CRACD: variants seen among roughly 807,000 people sequenced by gnomAD.
The protein encoded by CRACD is capping protein-inhibiting regulator of actin dynamics.
Under a neutral mutation model 106.8 loss-of-function variants are expected in CRACD, and 56 were observed. The observed-to-expected ratio is 0.52, with a 90% CI of 0.42 to 0.66. CRACD has a LOEUF of 0.66. CRACD is among the 30% of genes least tolerant of loss of function. The pLI, the probability that CRACD is intolerant of heterozygous loss-of-function variation, is 0.00. For missense variants in CRACD, 1,730 were observed against 1,623.2 expected (o/e 1.07, Z -1.13); for synonymous variants, 754 against 670.8 (o/e 1.12, Z -1.92).
intron 1 of CRACD, among the ~76,000 whole-genome samples, chr4:56,083,290 A>G (rs1294986577): frequency 6.6e-6 from 1 of 152,242 alleles, no homozygotes; most frequent in African/African-American, 2.4e-5. Context: ...TTTACAATTT[A>G]TTAGCTAAGC....
chr4:56,124,186 C>T (rs754203247), intron 1 of CRACD, among the ~76,000 whole-genome samples: 1 of 152,208 alleles, frequency 6.6e-6, no homozygotes, highest in Non-Finnish European at 1.5e-5. Flanking sequence ...AATCCACCTG[C>T]CTCAGCCTCC....
At chr4:56,188,713 G>C (rs12649135) in intron 2 of CRACD, among the ~76,000 whole-genome samples, 36,836 of 94,052 alleles carry the variant, frequency 0.39, 5,386 homozygotes, top group East Asian at 0.65. Flanking sequence ...CACACACACA[G>C]AGAGAGAGAG....
At chr4:56,200,727 A>G (rs1463164565) in intron 2 of CRACD, among the ~76,000 whole-genome samples, 1 of 152,224 alleles carries the variant, frequency 6.6e-6, no homozygotes, top group Admixed American at 6.5e-5. Flanking sequence ...TTAGGCTCAC[A>G]GCAAAATTAA....
intron 1 of CRACD, among the ~76,000 whole-genome samples, chr4:56,139,672 C>T (rs1735126400): frequency 6.6e-6 from 1 of 152,084 alleles, no homozygotes; most frequent in South Asian, 2.1e-4. Context: ...AGAAATGCTT[C>T]CATATGCTGA....
chr4:56,207,468 G>A (rs1460564691), intron 2 of CRACD, among the ~76,000 whole-genome samples: 1 of 152,070 alleles, frequency 6.6e-6, no homozygotes, highest in African/African-American at 2.4e-5. Flanking sequence ...TAAGGGGAGT[G>A]GACCAGTATT....
intron 3 of CRACD, among the ~76,000 whole-genome samples, chr4:56,296,772 CCT>C (rs1744066077): frequency 6.6e-6 from 1 of 152,166 alleles, no homozygotes; most frequent in African/African-American, 2.4e-5. Flanking sequence ...TCTTCCTGCC[CCT>C]GTGAGGAGCT....
intron 2 of CRACD, among the ~76,000 whole-genome samples, chr4:56,184,363 G>A (rs574469235): frequency 1.3e-4 from 20 of 152,222 alleles, no homozygotes; most frequent in Non-Finnish European, 2.6e-4. Flanking sequence ...GAGCCACCAC[G>A]CCTGGCCAAC....
intron 3 of CRACD, among the ~76,000 whole-genome samples, chr4:56,290,658 G>A (rs913461619): frequency 2.0e-5 from 3 of 152,186 alleles, no homozygotes; most frequent in African/African-American, 7.2e-5. Context: ...CAACCTGTCT[G>A]TCAATAAAAA....
intron 2 of CRACD, among the ~76,000 whole-genome samples, chr4:56,234,921 AT>A (rs1207758169): frequency 6.6e-6 from 1 of 152,126 alleles, no homozygotes; most frequent in African/African-American, 2.4e-5. Context: ...AAGGGAACTG[AT>A]TTTCTGCTAA....
intron 2 of CRACD, among the ~76,000 whole-genome samples, chr4:56,244,225 TAA>T (rs1239036314): frequency 2.6e-5 from 4 of 152,088 alleles, no homozygotes. Context: ...GGAGTTTCCC[TAA>T]AACCAGGGTT....
At chr4:56,161,660 A>G (rs1261722493) in intron 1 of CRACD, among the ~76,000 whole-genome samples, 1 of 151,872 alleles carries the variant, frequency 6.6e-6, no homozygotes, top group Non-Finnish European at 1.5e-5. Flanking sequence ...GAGTTTCACC[A>G]TGTTGGCCAG....
intron 2 of CRACD, among the ~76,000 whole-genome samples, chr4:56,208,676 G>T (rs147342483): frequency 6.6e-6 from 1 of 152,098 alleles, no homozygotes; most frequent in South Asian, 2.1e-4. Flanking sequence ...TATCAATCCC[G>T]TTAACTCTCT....
intron 1 of CRACD, among the ~76,000 whole-genome samples, chr4:56,142,515 A>G (rs1360100372): frequency 6.6e-6 from 1 of 151,744 alleles, no homozygotes; most frequent in Non-Finnish European, 1.5e-5. Context: ...TTTTCTTTTT[A>G]CTTTTATGCT....
intron 1 of CRACD, among the ~76,000 whole-genome samples, chr4:56,102,571 C>T (rs1733816071): frequency 6.6e-6 from 1 of 152,142 alleles, no homozygotes; most frequent in African/African-American, 2.4e-5. Flanking sequence ...AGGATAGGGT[C>T]CAGGCCTAGA....
intron 2 of CRACD, among the ~76,000 whole-genome samples, chr4:56,192,316 C>T (rs146708811): frequency 3.3e-5 from 5 of 151,728 alleles, no homozygotes; most frequent in South Asian, 4.2e-4. Flanking sequence ...TGTTTGGACC[C>T]GGGAGGCAGA....
chr4:56,324,334 C>A, intron 10 of CRACD, 68 bp downstream of exon 10: 1 of 1,462,780 alleles, frequency 6.8e-7, no homozygotes, highest in Non-Finnish European at 9.3e-7. Context: ...TGCTTTATAT[C>A]CTACAGTGTA....
At position 56,316,633 on chromosome 4, in the gene CRACD, C is replaced by T. The variant is rs763771746; in HGVS notation, c.3131C>T (p.Pro1044Leu). 12 of 1,612,910 alleles carry T rather than the reference C, an allele frequency of 7.4e-6. No homozygotes were observed. The highest frequency in any genetic ancestry group is 1.0e-5 in the Non-Finnish European group (12 of 1,179,910). ...EATERKPASP[P>L]LPATQQEKPS... ...ACAGAGAGGAAACCTGCTTCCCCACCTCTGCCTGCCACTCAGCAAGAGAAA... is the reference window on the plus strand; with the variant it reads ...ACAGAGAGGAAACCTGCTTCCCCACTTCTGCCTGCCACTCAGCAAGAGAAA... Residue 1044 changes from proline (P) to leucine (L), a missense_variant, in exon 8 of 11, where the codon CCT becomes CTT. Transcript: ENST00000682029.
chr4:56,227,743 A>G (rs1041452603), intron 2 of CRACD, among the ~76,000 whole-genome samples: 2 of 152,214 alleles, frequency 1.3e-5, no homozygotes, highest in Non-Finnish European at 2.9e-5. Flanking sequence ...ACTTTGATTT[A>G]GAGAATCACC....
intron 1 of CRACD, among the ~76,000 whole-genome samples, chr4:56,176,431 C>CTTTTTT (rs3036818): frequency 9.5e-5 from 13 of 137,212 alleles, no homozygotes; most frequent in African/African-American, 2.7e-4. Context: ...CTTCCAATTT[C>CTTTTTT]TTTTTTTTTT....
Sources: gnomAD v4.1 joint callset for allele counts (sites outside exome capture counted in the v4.1 genomes callset) on GRCh38, gnomAD v4.1.1 for gene constraint, MANE v1.5 for transcripts, NCBI Gene and HGNC (gene_info 2026-07-23, HGNC 2026-07-21) for gene names.